PDLIM5: variants seen among roughly 807,000 people sequenced by gnomAD.
The protein encoded by PDLIM5 is PDZ and LIM domain protein 5.
PDLIM5 carries 34 observed loss-of-function variants against 64.2 expected under a neutral mutation model. The observed-to-expected ratio is 0.53, with a 90% CI of 0.40 to 0.71. PDLIM5 has a LOEUF of 0.71. Among genes scored for constraint, PDLIM5 ranks in the 30% least tolerant of loss-of-function variants. The probability of loss-of-function intolerance (pLI) is 0.00; values close to 1 mark genes in which losing one functional copy is unlikely to be tolerated. For missense variants in PDLIM5, 683 were observed against 733.6 expected, an observed-to-expected ratio of 0.93 and a Z score of 0.80; for synonymous variants, 253 against 269.1, an observed-to-expected ratio of 0.94 and a Z score of 0.59.
intron 8 of PDLIM5, among the ~76,000 whole-genome samples, chr4:94,639,978 G>T (rs1049006692): frequency 2.0e-5 from 3 of 151,558 alleles, no homozygotes; most frequent in African/African-American, 4.9e-5. Flanking sequence ...AGTGAGCCGA[G>T]ATCATGCCAT....
At chr4:94,639,361 A>G (rs1317937419) in intron 8 of PDLIM5, among the ~76,000 whole-genome samples, 1 of 152,174 alleles carries the variant, frequency 6.6e-6, no homozygotes, top group Non-Finnish European at 1.5e-5. Flanking sequence ...GTCAGATTTC[A>G]GTCTTAGGTG....
chr4:94,624,472 A>G (rs1157583991), intron 8 of PDLIM5, among the ~76,000 whole-genome samples: 1 of 152,178 alleles, frequency 6.6e-6, no homozygotes, highest in Non-Finnish European at 1.5e-5. Flanking sequence ...AAAAGGTGCA[A>G]AGAAGAGTCA....
chr4:94,513,714 T>TTTTG (rs1174663150), intron 2 of PDLIM5, among the ~76,000 whole-genome samples: 3 of 152,188 alleles, frequency 2.0e-5, no homozygotes, highest in South Asian at 2.1e-4. Flanking sequence ...GTTGTATCTT[T>TTTTG]TTTGTTTGTT....
rs146172639 is a variant in PDLIM5 at position 94,494,803 on chromosome 4, C to T, written c.97-28921C>T. On this transcript the variant is annotated intron_variant, in intron 2 of 12. Transcript: ENST00000317968. ...TTGCCCTGTCACCCAGGCTGGAGTG[C>T]AATGGTGCAATCTCGGCTCACTGCA... is the stretch of plus-strand genomic sequence containing the variant. Among the ~76,000 whole-genome samples, 737 of 151,880 alleles carry T rather than the reference C, an allele frequency of 4.9e-3. 4 individuals carry two copies. Among genetic ancestry groups the T allele is most frequent in the African/African-American group, 0.017 (693 of 41,392 alleles).
At chr4:94,590,134 A>G (rs1363973670) in intron 7 of PDLIM5, among the ~76,000 whole-genome samples, 1 of 152,168 alleles carries the variant, frequency 6.6e-6, no homozygotes, top group Non-Finnish European at 1.5e-5. Flanking sequence ...ACATGGTCCA[A>G]TGTATTTTTG....
chr4:94,566,210 T>G (rs1294949469), intron 3 of PDLIM5, among the ~76,000 whole-genome samples: 1 of 152,188 alleles, frequency 6.6e-6, no homozygotes, highest in Non-Finnish European at 1.5e-5. Context: ...ATTTAAGTTT[T>G]GGTCAAATTA....
At chr4:94,525,580 G>C (rs985167611) in intron 3 of PDLIM5, among the ~76,000 whole-genome samples, 2 of 152,166 alleles carry the variant, frequency 1.3e-5, no homozygotes, top group Non-Finnish European at 2.9e-5. Flanking sequence ...TGCTGTCCTA[G>C]GTGATTGCTA....
chr4:94,663,884 G>A, intron 12 of PDLIM5, 94 bp from the exon 13 acceptor site: 2 of 1,302,382 alleles, frequency 1.5e-6, no homozygotes, highest in South Asian at 3.5e-5. Flanking sequence ...TATCCATTGG[G>A]GGGAAAAATC....
intron 3 of PDLIM5, among the ~76,000 whole-genome samples, chr4:94,564,656 C>CTTTTTTTTTTTTTTTTTTTTT (rs768721210): frequency 2.9e-5 from 3 of 104,542 alleles, no homozygotes; most frequent in African/African-American, 4.3e-5. Flanking sequence ...AATTTTGTCT[C>CTTTTTTTTTTTTTTTTTTTTT]TTTTTTTTTT....
chr4:94,525,427 CA>C (rs140722914), intron 3 of PDLIM5, among the ~76,000 whole-genome samples: 3 of 145,904 alleles, frequency 2.1e-5, no homozygotes, highest in Non-Finnish European at 4.5e-5. Context: ...CCCCACCCCC[CA>C]AAAAAATATT....
chr4:94,537,527 A>G (rs1731418093), intron 3 of PDLIM5, among the ~76,000 whole-genome samples: 1 of 152,154 alleles, frequency 6.6e-6, no homozygotes, highest in African/African-American at 2.4e-5. Flanking sequence ...ACTTTAGATA[A>G]TAGTATTTCT....
intron 8 of PDLIM5, among the ~76,000 whole-genome samples, chr4:94,639,782 C>T (rs558245723): frequency 1.3e-5 from 2 of 152,238 alleles, no homozygotes; most frequent in African/African-American, 4.8e-5. Context: ...TTAACCATGT[C>T]TTCTCGTAGA....
chr4:94,533,828 CTGAGGGAAAGAGGGA>C (rs1223953847), intron 3 of PDLIM5, among the ~76,000 whole-genome samples: 1 of 152,014 alleles, frequency 6.6e-6, no homozygotes, highest in Non-Finnish European at 1.5e-5. Flanking sequence ...ATGGGTGTGG[CTGAGGGAAAGAGGGA>C]GAAACTGAGA....
chr4:94,527,047 T>C (rs1392763538), intron 3 of PDLIM5, among the ~76,000 whole-genome samples: 12 of 50,258 alleles, frequency 2.4e-4, no homozygotes, highest in African/African-American at 1.8e-3. Context: ...AACAGCATTC[T>C]TTTTTTTTTT....
At chr4:94,555,331 A>G (rs1733192429) in intron 3 of PDLIM5, among the ~76,000 whole-genome samples, 1 of 152,238 alleles carries the variant, frequency 6.6e-6, no homozygotes, top group Non-Finnish European at 1.5e-5. Context: ...CTGGGATTAC[A>G]GGCATGAGCC....
intron 2 of PDLIM5, chr4:94,488,951 A>T (rs564924531): frequency 6.6e-6 from 1 of 152,394 alleles, no homozygotes; most frequent in South Asian, 2.1e-4. Context: ...AAGTGAAGTC[A>T]GCTGGGAGTA....
intron 5 of PDLIM5, chr4:94,584,962 C>A: frequency 6.7e-7 from 1 of 1,502,574 alleles, no homozygotes; most frequent in Non-Finnish European, 9.2e-7. Context: ...CTTTCTTCTG[C>A]TGCCTTCCTC....
intron 2 of PDLIM5, among the ~76,000 whole-genome samples, chr4:94,520,005 T>G (rs1429518301): frequency 6.6e-6 from 1 of 152,142 alleles, no homozygotes; most frequent in East Asian, 1.9e-4. Flanking sequence ...TGATATTAGA[T>G]CCTTTCGTAC....
At chr4:94,650,841 C>T (rs1232039133) in intron 9 of PDLIM5, among the ~76,000 whole-genome samples, 1 of 151,104 alleles carries the variant, frequency 6.6e-6, no homozygotes, top group African/African-American at 2.4e-5. Flanking sequence ...TTGGATAGGT[C>T]TCACAGAAGA....
Sources: gnomAD v4.1 joint callset for allele counts (sites outside exome capture counted in the v4.1 genomes callset) on GRCh38, gnomAD v4.1.1 for gene constraint, MANE v1.5 for transcripts, NCBI Gene and HGNC (gene_info 2026-07-23, HGNC 2026-07-21) for gene names.